The following CNNM2 variants were observed in gnomAD, a reference collection of about 807,000 sequenced individuals.
CNNM2 encodes the protein cyclin and CBS domain divalent metal cation transport mediator 2.
A neutral mutation model predicts 66.9 loss-of-function variants in CNNM2; 12 were observed. The ratio of observed to expected loss-of-function variants is 0.18; its 90% CI spans 0.11 to 0.29. The LOEUF (loss-of-function observed/expected upper bound fraction) is 0.29, where lower values mean the gene tolerates loss of function less well. Among genes scored for constraint, CNNM2 ranks in the 10% least tolerant of loss-of-function variants. CNNM2 has a pLI of 1.00. For synonymous variants in CNNM2, 557 were observed against 501.8 expected, an observed-to-expected ratio of 1.11 and a Z score of -1.47; for missense variants, 705 against 1,167.7, an observed-to-expected ratio of 0.60 and a Z score of 5.77.
At chr10:103,028,814 C>CTTTTTTTTTTTTTTTT (rs67846722) in intron 1 of CNNM2, among the ~76,000 whole-genome samples, 8 of 126,158 alleles carry the variant, frequency 6.3e-5, no homozygotes, top group Non-Finnish European at 9.6e-5. Flanking sequence ...TTTTCTTTTT[C>CTTTTTTTTTTTTTTTT]TTTTTTTTTT....
At chr10:102,938,497 G>C (rs565481520) in intron 1 of CNNM2, among the ~76,000 whole-genome samples, 3 of 150,674 alleles carry the variant, frequency 2.0e-5, no homozygotes, top group Non-Finnish European at 4.4e-5. Context: ...GCACACACCT[G>C]TCATGCTGGC....
intron 1 of CNNM2, among the ~76,000 whole-genome samples, chr10:103,043,100 T>C (rs2065069995): frequency 6.6e-6 from 1 of 152,210 alleles, no homozygotes; most frequent in East Asian, 1.9e-4. Flanking sequence ...TTGCATTCTG[T>C]GCTAACGGTG....
intron 1 of CNNM2, among the ~76,000 whole-genome samples, chr10:102,944,751 C>T (rs982147601): frequency 2.6e-5 from 4 of 152,018 alleles, no homozygotes; most frequent in Admixed American, 1.3e-4. Flanking sequence ...ATCACACCCA[C>T]GAAATTTAAT....
At chr10:103,024,101 TTTC>T (rs1273340210) in intron 1 of CNNM2, among the ~76,000 whole-genome samples, 1 of 152,186 alleles carries the variant, frequency 6.6e-6, no homozygotes, top group Admixed American at 6.5e-5. Context: ...TGTAGTTGGT[TTTC>T]TTCTAACAAG....
intron 1 of CNNM2, among the ~76,000 whole-genome samples, chr10:102,966,852 C>T (rs1460088443): frequency 6.6e-6 from 1 of 152,046 alleles, no homozygotes; most frequent in Non-Finnish European, 1.5e-5. Flanking sequence ...AATATGCAGT[C>T]TCCTTGGGAG....
At position 103,083,070 on chromosome 10, in the gene CNNM2, CAAGT is replaced by C. The variant is rs1330941600; in HGVS notation, c.*5894_*5897del. 1.3e-5 allele frequency: 2 copies of C among 152,324 alleles called. No individual in the cohort carries two copies. Among genetic ancestry groups the C allele is most frequent in the East Asian group, 3.9e-4 (2 of 5,192 alleles). The allele number at this position is 152,324 out of a possible 1,614,324, so 9.4% of individuals were successfully genotyped here. A position where few individuals can be genotyped will look rare whatever the true frequency, so the allele number is the denominator to read the frequency against. On this transcript the variant is annotated 3_prime_UTR_variant, in exon 8 of 8. Transcript: ENST00000369878. ...CCAGTGCCAACATTGCCTTGGCCCT[CAAGT>C]AAGACCCTGCTTTGTGTCTGACTTT...
chr10:102,922,220 ATAGT>A lies in CNNM2; in HGVS notation c.1621+2121_1621+2124del, dbSNP rs750984059. 3.9e-5 allele frequency among the ~76,000 whole-genome samples: 6 copies of A among 152,330 alleles called. No individual in the cohort carries two copies. In the East Asian group the frequency reaches 9.6e-4, roughly 24 times the overall value. Reference sequence around the variant, plus strand: ...GGCATATTCGGAAGAGCAGGCAAAGATAGTTGGTTGCAAATGGGAAATTTAAGCC... The same window carrying A: ...GGCATATTCGGAAGAGCAGGCAAAGATGGTTGCAAATGGGAAATTTAAGCC... On this transcript the variant is annotated intron_variant, in intron 1 of 7. Coordinates refer to ENST00000369878, the MANE Select transcript of CNNM2 (RefSeq NM_017649.5).
chr10:103,002,850 C>T (rs1057175143), intron 1 of CNNM2, among the ~76,000 whole-genome samples: 1 of 152,178 alleles, frequency 6.6e-6, no homozygotes, highest in Non-Finnish European at 1.5e-5. Flanking sequence ...TTGGCAGTTA[C>T]TCCAAATGCT....
chr10:103,057,026 A>G, intron 4 of CNNM2, 62 bp downstream of exon 4: 1 of 1,529,896 alleles, frequency 6.5e-7, no homozygotes, highest in Non-Finnish European at 8.9e-7. Context: ...AGTTTGGTGT[A>G]AGTGAATGGG....
At chr10:103,043,719 T>C (rs943707364) in intron 1 of CNNM2, among the ~76,000 whole-genome samples, 1 of 152,244 alleles carries the variant, frequency 6.6e-6, no homozygotes, top group African/African-American at 2.4e-5. Flanking sequence ...AGTGCAGACA[T>C]GGTTTTTGTA....
rs1457724070 is a variant in CNNM2 at position 103,082,235 on chromosome 10, GAT to G, written c.*5056_*5057del. 1 of 152,254 alleles carries G rather than the reference GAT, an allele frequency of 6.6e-6. No individual in the cohort carries two copies. The highest frequency in any genetic ancestry group is 1.5e-5 in the Non-Finnish European group (1 of 68,068). The allele number at this position is 152,254 out of a possible 1,614,324, so 9.4% of individuals were successfully genotyped here. A position where few individuals can be genotyped will look rare whatever the true frequency, so the allele number is the denominator to read the frequency against. On this transcript the variant is annotated 3_prime_UTR_variant, in exon 8 of 8. Coordinates refer to ENST00000369878, the MANE Select transcript of CNNM2 (RefSeq NM_017649.5). ...CTTGGAAGGACGCCTTCCGGCATCT[GAT>G]CCACATGGATTCACTTTTAGGATGC... is the stretch of plus-strand genomic sequence containing the variant.
Position 103,090,029 on chromosome 10 carries a change from A to T in CNNM2, c.*12849A>T, listed in dbSNP as rs2066302937. 3.0e-6 allele frequency: 2 copies of T among 673,240 alleles called. No individual in the cohort carries two copies. The highest frequency in any genetic ancestry group is 2.4e-5 in the South Asian group (1 of 41,882). The allele number at this position is 673,240 out of a possible 1,614,324, so 41.7% of individuals were successfully genotyped here. ...TTACATCTATAATGGACCACAGGAC[A>T]AGTCAATATAGACTTATCTTCATAG... On this transcript the variant is annotated 3_prime_UTR_variant, in exon 8 of 8. Coordinates refer to ENST00000369878, the MANE Select transcript of CNNM2 (RefSeq NM_017649.5).
Position 102,998,035 on chromosome 10 carries a change from T to G in CNNM2, c.1622-51672T>G, listed in dbSNP as rs576023454. Reference sequence around the variant, plus strand: ...TCAGTGTTCAAGTGTTTTTGTTTTTTTTTTCTGTTTCTTGATGGCTCTGAT... The same window carrying G: ...TCAGTGTTCAAGTGTTTTTGTTTTTGTTTTCTGTTTCTTGATGGCTCTGAT... On this transcript the variant is annotated intron_variant, in intron 1 of 7. Coordinates refer to ENST00000369878, the MANE Select transcript of CNNM2 (RefSeq NM_017649.5). Among the ~76,000 whole-genome samples, 4 of 152,330 alleles carry G rather than the reference T, an allele frequency of 2.6e-5. No homozygotes were observed. In the South Asian group the frequency reaches 8.3e-4, roughly 32 times the overall value.
intron 2 of CNNM2, among the ~76,000 whole-genome samples, chr10:103,053,102 G>A (rs1041813586): frequency 1.3e-5 from 2 of 152,226 alleles, no homozygotes; most frequent in Admixed American, 1.3e-4. Context: ...AAAAATACTT[G>A]AAAGATGGTT....
At chr10:102,934,457 T>C (rs1846166968) in intron 1 of CNNM2, among the ~76,000 whole-genome samples, 1 of 151,530 alleles carries the variant, frequency 6.6e-6, no homozygotes, top group African/African-American at 2.4e-5. Context: ...ATTTTTGTAT[T>C]TTTAGTAGAG....
intron 1 of CNNM2, among the ~76,000 whole-genome samples, chr10:102,976,425 C>CTTTTTTTTTTTTT (rs1206577839): frequency 2.9e-5 from 1 of 34,690 alleles, no homozygotes; most frequent in African/African-American, 1.2e-4. Context: ...CAATTCTTGC[C>CTTTTTTTTTTTTT]TTTTTTTTTT....
intron 1 of CNNM2, among the ~76,000 whole-genome samples, chr10:102,922,641 A>T (rs1465902727): frequency 1.3e-5 from 2 of 152,172 alleles, no homozygotes; most frequent in African/African-American, 2.4e-5. Context: ...TCCAGATCTC[A>T]TTGAAAATTA....
chr10:103,036,627 T>C (rs1479103140), intron 1 of CNNM2, among the ~76,000 whole-genome samples: 3 of 152,222 alleles, frequency 2.0e-5, no homozygotes, highest in Non-Finnish European at 2.9e-5. Flanking sequence ...GTTTCTCTCT[T>C]AGTTATACAA....
chr10:102,927,127 G>C (rs140683362), intron 1 of CNNM2, among the ~76,000 whole-genome samples: 1 of 105,666 alleles, frequency 9.5e-6, no homozygotes, highest in Admixed American at 9.5e-5. Flanking sequence ...TAGATGCGTA[G>C]TTACTTATAA....
Sources: gnomAD v4.1 joint callset for allele counts (sites outside exome capture counted in the v4.1 genomes callset) on GRCh38, gnomAD v4.1.1 for gene constraint, MANE v1.5 for transcripts, NCBI Gene and HGNC (gene_info 2026-07-23, HGNC 2026-07-21) for gene names.